FAM13C: variants seen among roughly 807,000 people sequenced by gnomAD.
FAM13C encodes the protein protein FAM13C.
A neutral mutation model predicts 73.2 loss-of-function variants in FAM13C; 37 were observed. That is an observed-to-expected ratio of 0.51 (90% CI 0.39 to 0.67). The LOEUF (loss-of-function observed/expected upper bound fraction) is 0.67. FAM13C is among the 30% of genes least tolerant of loss of function. The pLI is 0.00. For missense variants in FAM13C, 589 were observed against 715.6 expected, an observed-to-expected ratio of 0.82 and a Z score of 2.02; for synonymous variants, 246 against 260.9, an observed-to-expected ratio of 0.94 and a Z score of 0.55.
intron 4 of FAM13C, among the ~76,000 whole-genome samples, chr10:59,321,827 AT>A (rs1850344260): frequency 6.6e-6 from 1 of 152,122 alleles, no homozygotes; most frequent in South Asian, 2.1e-4. Context: ...CACCAAAATG[AT>A]GTGTGACCCC....
Position 59,360,260 on chromosome 10 carries a change from T to C in FAM13C, c.62+2139A>G, listed in dbSNP as rs74150885. ...TCCACTTCCCAAGGGCACAAACTTTTTAATTTCCAATTTAATAAGGGTCAC... is the reference window on the plus strand; with the variant it reads ...TCCACTTCCCAAGGGCACAAACTTTCTAATTTCCAATTTAATAAGGGTCAC... On this transcript the variant is annotated intron_variant, in intron 1 of 13. Coordinates refer to ENST00000618804, the MANE Select transcript of FAM13C (RefSeq NM_198215.4). 3.3e-3 allele frequency among the ~76,000 whole-genome samples: 499 copies of C among 152,322 alleles called. 3 individuals carry two copies. Among genetic ancestry groups the C allele is most frequent in the African/African-American group, 0.011 (458 of 41,578 alleles).
At chr10:59,258,558 C>T (rs1271641473) in intron 10 of FAM13C, among the ~76,000 whole-genome samples, 6 of 152,072 alleles carry the variant, frequency 3.9e-5, no homozygotes, top group Non-Finnish European at 1.5e-5. Context: ...CCAAAAAAGA[C>T]ACATAAGACA....
At chr10:59,294,221 AC>A (rs1846627145) in intron 5 of FAM13C, among the ~76,000 whole-genome samples, 1 of 152,252 alleles carries the variant, frequency 6.6e-6, no homozygotes, top group Non-Finnish European at 1.5e-5. Flanking sequence ...ACTGAACTGG[AC>A]ACAGTTCCTT....
At chr10:59,313,864 C>G (rs1273010062) in intron 4 of FAM13C, among the ~76,000 whole-genome samples, 1 of 152,042 alleles carries the variant, frequency 6.6e-6, no homozygotes, top group East Asian at 1.9e-4. Context: ...AGAGGGCAAA[C>G]CAGAATTCCA....
At chr10:59,248,189 A>G (rs560748809) in intron 13 of FAM13C, among the ~76,000 whole-genome samples, 14 of 152,298 alleles carry the variant, frequency 9.2e-5, no homozygotes, top group African/African-American at 2.4e-4. Flanking sequence ...ACATAAACCT[A>G]TGGTAACAAG....
intron 4 of FAM13C, among the ~76,000 whole-genome samples, chr10:59,319,783 A>C (rs1849978961): frequency 6.6e-6 from 1 of 152,198 alleles, no homozygotes; most frequent in African/African-American, 2.4e-5. Flanking sequence ...TTCCAGCTCT[A>C]ACTAACTGCA....
At chr10:59,362,669 C>T (rs1459626629), upstream of FAM13C, 11 of 1,206,712 alleles carry the variant, frequency 9.1e-6, no homozygotes, top group Non-Finnish European at 1.2e-5. Flanking sequence ...CGCGAGGCTG[C>T]GGGGACAGAG....
intron 3 of FAM13C, among the ~76,000 whole-genome samples, chr10:59,334,606 T>C (rs1852477805): frequency 1.3e-5 from 2 of 152,016 alleles, no homozygotes; most frequent in African/African-American, 2.4e-5. Context: ...ATGTCCTTTG[T>C]AGGGACATGG....
intron 6 of FAM13C, among the ~76,000 whole-genome samples, chr10:59,279,365 T>C (rs1394838996): frequency 1.3e-5 from 2 of 152,196 alleles, no homozygotes; most frequent in Non-Finnish European, 2.9e-5. Context: ...AAGAGACCTA[T>C]AGATTATGCA....
In FAM13C at chr10:59,299,639, T is replaced by C. The variant is rs372572925; in HGVS notation, c.507+3162A>G. Among the ~76,000 whole-genome samples the C allele has an allele frequency of 2.4e-4, 36 of 152,300 alleles. No individual in the cohort carries two copies. The East Asian group carries it at 3.5e-3, about 15-fold the overall frequency. On this transcript the variant is annotated intron_variant, in intron 5 of 13. Transcript: ENST00000618804. ...AGAGAGTAAAAACAATCATTGTTCTTCATTTTATCTTTCAAGTACCTTTCT... is the reference window on the plus strand; with the variant it reads ...AGAGAGTAAAAACAATCATTGTTCTCCATTTTATCTTTCAAGTACCTTTCT...
chr10:59,291,042 T>C (rs1846166068), intron 5 of FAM13C, among the ~76,000 whole-genome samples: 2 of 152,082 alleles, frequency 1.3e-5, no homozygotes, highest in Admixed American at 1.3e-4. Flanking sequence ...ACACAAGAAG[T>C]CCAAGGGCCC....
chr10:59,287,658 T>C (rs558916834), intron 5 of FAM13C, among the ~76,000 whole-genome samples: 17 of 152,294 alleles, frequency 1.1e-4, no homozygotes, highest in South Asian at 6.2e-4. Context: ...CTTAATGTCC[T>C]CTGTATAAAG....
chr10:59,261,650 C>A (rs1342478935), intron 10 of FAM13C, among the ~76,000 whole-genome samples: 1 of 152,014 alleles, frequency 6.6e-6, no homozygotes, highest in Admixed American at 6.6e-5. Flanking sequence ...AAGTGGCCTA[C>A]AAGATAGTTA....
intron 3 of FAM13C, among the ~76,000 whole-genome samples, chr10:59,333,862 T>G (rs1447993668): frequency 6.6e-6 from 1 of 152,238 alleles, no homozygotes; most frequent in Non-Finnish European, 1.5e-5. Flanking sequence ...TCTCCTTATA[T>G]TCTTGTATCA....
At chr10:59,279,464 A>G (rs532729568) in intron 6 of FAM13C, among the ~76,000 whole-genome samples, 116 of 152,336 alleles carry the variant, frequency 7.6e-4, no homozygotes, top group African/African-American at 2.6e-3. Flanking sequence ...GAAGATCAAG[A>G]TTTTAGAAAA....
intron 10 of FAM13C, 128 bp from the exon 11 acceptor site, chr10:59,254,571 A>C: frequency 2.6e-6 from 1 of 390,502 alleles, no homozygotes; most frequent in Non-Finnish European, 4.5e-6. Context: ...CATGAAAAGG[A>C]AAGTCATTTA....
At chr10:59,332,348 C>T (rs1314537695) in intron 3 of FAM13C, among the ~76,000 whole-genome samples, 2 of 151,738 alleles carry the variant, frequency 1.3e-5, no homozygotes, top group South Asian at 2.1e-4. Flanking sequence ...GTATGTGTTG[C>T]TTTTATAATC....
chr10:59,337,368 T>C (rs1852852792), intron 3 of FAM13C, among the ~76,000 whole-genome samples: 1 of 152,180 alleles, frequency 6.6e-6, no homozygotes. Context: ...GCTGCAGAAG[T>C]AAAGCTGGAG....
At chr10:59,301,484 C>T (rs990462673) in intron 5 of FAM13C, among the ~76,000 whole-genome samples, 1 of 152,218 alleles carries the variant, frequency 6.6e-6, no homozygotes, top group African/African-American at 2.4e-5. Flanking sequence ...TCAAATATAG[C>T]TTTTCACAAC....
Sources: allele counts gnomAD v4.1 joint callset (sites outside exome capture counted in the v4.1 genomes callset), GRCh38; gene constraint gnomAD v4.1.1; transcripts MANE v1.5; gene names NCBI Gene and HGNC (gene_info 2026-07-23, HGNC 2026-07-21).